VWF: variants seen among roughly 807,000 people sequenced by gnomAD.
VWF encodes Factor VIII related antigen.
Under a neutral mutation model 308.6 loss-of-function variants are expected in VWF, and 176 were observed. That is an observed-to-expected ratio of 0.57 (90% confidence interval 0.50 to 0.65). The LOEUF (loss-of-function observed/expected upper bound fraction) is 0.65. Ranked by LOEUF, VWF falls within the 30% of genes least tolerant of loss-of-function variation. The pLI, the probability that VWF is intolerant of heterozygous loss-of-function variation, is 0.00. For missense variants in VWF, 3,146 were observed against 3,648.2 expected (o/e 0.86, Z 3.55); for synonymous variants, 1,385 against 1,443.4 (o/e 0.96, Z 0.92).
At chr12:5,983,543 G>GATAGATAGATA (rs1161712163) in intron 40 of VWF, among the ~76,000 whole-genome samples, 28 of 141,326 alleles carry the variant, frequency 2.0e-4, no homozygotes, top group East Asian at 1.4e-3. Flanking sequence ...ATAGATAGAT[G>GATAGATAGATA]GATGATAGAT....
intron 5 of VWF, among the ~76,000 whole-genome samples, chr12:6,106,744 G>A (rs897341730): frequency 3.3e-5 from 5 of 151,706 alleles, no homozygotes; most frequent in African/African-American, 9.7e-5. Context: ...ACATAGTAGC[G>A]GACACCTGTA....
At chr12:6,032,936 GCATA>G (rs1944287852) in intron 20 of VWF, among the ~76,000 whole-genome samples, 2 of 147,022 alleles carry the variant, frequency 1.4e-5, no homozygotes, top group Admixed American at 6.8e-5. Context: ...ACGCGCTCAC[GCATA>G]CACACACATA....
rs216293 is a variant in VWF, at chr12:6,044,493, G to T, written c.2282-42C>A. The T allele has an allele frequency of 0.54, 868,381 of 1,601,648 alleles. 240,752 individuals carry two copies. Among genetic ancestry groups the T allele is most frequent in the Admixed American group, 0.7 (41,109 of 58,470 alleles). ...GCAAAGAGATGATTAGTGAAGGAGA[G>T]AATGGACCTACCTTCCACACTGTCC... is the stretch of plus-strand genomic sequence containing the variant. On this transcript the variant is annotated intron_variant, in intron 17 of 51. Transcript: ENST00000261405.
At chr12:6,042,114 T>G (rs1462787030) in intron 18 of VWF, among the ~76,000 whole-genome samples, 1 of 152,208 alleles carries the variant, frequency 6.6e-6, no homozygotes. Flanking sequence ...CGGTAAAGAC[T>G]GAAGGATTGC....
intron 6 of VWF, among the ~76,000 whole-genome samples, chr12:6,077,578 C>T (rs532466646): frequency 2.2e-4 from 34 of 152,322 alleles, no homozygotes; most frequent in Admixed American, 1.8e-3. Context: ...ATCAGCTCAC[C>T]TGGTCAGAGA....
At chr12:6,102,978 T>C (rs1438578529) in intron 5 of VWF, among the ~76,000 whole-genome samples, 1 of 152,076 alleles carries the variant, frequency 6.6e-6, no homozygotes, top group Admixed American at 6.6e-5. Flanking sequence ...ATATGTGACT[T>C]CAAAATATAT....
chr12:6,103,416 G>A lies in VWF; in HGVS notation c.532+6958C>T, dbSNP rs1266763429. Among the ~76,000 whole-genome samples the A allele has an allele frequency of 6.4e-5, 7 of 109,832 alleles. 1 individual carries two copies. Among genetic ancestry groups the A allele is most frequent in the Non-Finnish European group, 1.1e-4 (7 of 61,006 alleles). The allele number at this position is 109,832 out of a possible 152,430, so 72.1% of individuals were successfully genotyped here. A position where few individuals can be genotyped will look rare whatever the true frequency, so the allele number is the denominator to read the frequency against. On this transcript the variant is annotated intron_variant, in intron 5 of 51. Transcript: ENST00000261405. Reference sequence around the variant, plus strand: ...TGTATACACGTGTGTGTATACACACGTGTGTGTATACACACGTGTGTATAT... The same window carrying A: ...TGTATACACGTGTGTGTATACACACATGTGTGTATACACACGTGTGTATAT...
intron 6 of VWF, among the ~76,000 whole-genome samples, chr12:6,091,919 T>A (rs1163666404): frequency 6.6e-6 from 1 of 152,154 alleles, no homozygotes; most frequent in African/African-American, 2.4e-5. Context: ...TCCTATGGCT[T>A]GTTTTCTCAT....
intron 6 of VWF, among the ~76,000 whole-genome samples, chr12:6,086,133 G>A (rs1226954894): frequency 6.6e-6 from 1 of 152,168 alleles, no homozygotes; most frequent in Non-Finnish European, 1.5e-5. Context: ...TTACCTCAGA[G>A]AGGGAAGACT....
At position 6,056,908 on chromosome 12, in the gene VWF, C is replaced by T. The variant is rs777174824; in HGVS notation, c.1894G>A (p.Ala632Thr). ...ACGCGCACGCCTCTCCCCGCGCAGGCCGCGGCATAGCTGGCCAGGGCGCCG... is the reference window on the plus strand; with the variant it reads ...ACGCGCACGCCTCTCCCCGCGCAGGTCGCGGCATAGCTGGCCAGGGCGCCG... ...LCGALASYAA[A>T]CAGRGVRVAW... The change falls in exon 15 of 52, where the codon GCC (alanine) becomes ACC (threonine). Residue 632 changes from alanine (A) to threonine (T), a missense_variant. Transcript: ENST00000261405. The T allele has an allele frequency of 2.0e-6, 3 of 1,526,962 alleles. No individual in the cohort carries two copies. Among genetic ancestry groups the T allele is most frequent in the Middle Eastern group, 4.2e-4 (2 of 4,778 alleles). The allele number at this position is 1,526,962 out of a possible 1,614,324, so 94.6% of individuals were successfully genotyped here.
chr12:6,091,392 C>G (rs1945033568), intron 6 of VWF, among the ~76,000 whole-genome samples: 1 of 152,056 alleles, frequency 6.6e-6, no homozygotes, highest in South Asian at 2.1e-4. Context: ...CAGATTTCTA[C>G]AAGTAAAGGA....
At chr12:6,045,965 G>A (rs981814145) in intron 17 of VWF, among the ~76,000 whole-genome samples, 1 of 152,226 alleles carries the variant, frequency 6.6e-6, no homozygotes, top group African/African-American at 2.4e-5. Flanking sequence ...GCTCATGCCT[G>A]TAATCCCAGC....
rs529217221 is a variant in VWF, at chr12:5,985,712, C to T, written c.6799-47G>A. 1.3e-4 allele frequency: 201 copies of T among 1,572,056 alleles called. No individual in the cohort carries two copies. In the Middle Eastern group the frequency reaches 8.8e-3, roughly 69 times the overall value. ...GAAAGGGCACAGGACATTCTAGGTA[C>T]GAAGCCCAGAATTCACAGAGGTCAG... On this transcript the variant is annotated intron_variant, in intron 38 of 51. Transcript: ENST00000261405.
In VWF at chr12:6,001,806, A is replaced by C. The variant is rs1943876184; in HGVS notation, c.5843-5584T>G. 2.0e-5 allele frequency among the ~76,000 whole-genome samples: 3 copies of C among 152,212 alleles called. No homozygotes were observed. The South Asian group carries it at 6.2e-4, about 32-fold the overall frequency. On this transcript the variant is annotated intron_variant, in intron 34 of 51. Transcript: ENST00000261405. ...ATACTCTACACCCTGATAATAGAGA[A>C]TACACCTTCACAAAAACTGATCATG...
At chr12:5,960,175 TAGA>T (rs1314183166) in intron 47 of VWF, among the ~76,000 whole-genome samples, 2 of 151,174 alleles carry the variant, frequency 1.3e-5, no homozygotes, top group East Asian at 3.9e-4. Context: ...TTAGAAATAA[TAGA>T]AGGTTTACAA....
intron 42 of VWF, among the ~76,000 whole-genome samples, chr12:5,976,561 T>C (rs1475815056): frequency 6.6e-6 from 1 of 151,992 alleles, no homozygotes; most frequent in Non-Finnish European, 1.5e-5. Flanking sequence ...CTTCCTGCCT[T>C]AACTGCACTT....
chr12:5,968,873 TTTG>T (rs199665038), intron 45 of VWF, among the ~76,000 whole-genome samples: 48 of 152,036 alleles, frequency 3.2e-4, no homozygotes, highest in African/African-American at 1.1e-3. Flanking sequence ...AGAACTAGTT[TTTG>T]TTGTTGTTGC....
At chr12:6,114,782 G>A (rs1945345787) in intron 3 of VWF, among the ~76,000 whole-genome samples, 1 of 152,168 alleles carries the variant, frequency 6.6e-6, no homozygotes, top group African/African-American at 2.4e-5. Flanking sequence ...AGGGGACGTG[G>A]GGCTGGCTGC....
At chr12:5,962,813 T>A (rs576616979) in intron 47 of VWF, among the ~76,000 whole-genome samples, 113 of 152,284 alleles carry the variant, frequency 7.4e-4, no homozygotes, top group Middle Eastern at 3.4e-3. Context: ...CCTCCCAAAG[T>A]GCTGGGATTA....
Sources: allele counts gnomAD v4.1 joint callset (sites outside exome capture counted in the v4.1 genomes callset), GRCh38; gene constraint gnomAD v4.1.1; transcripts MANE v1.5; gene names NCBI Gene and HGNC (gene_info 2026-07-23, HGNC 2026-07-21).